The following DIAPH2 variants were observed in gnomAD, a reference collection of about 807,000 sequenced individuals.
DIAPH2 encodes protein diaphanous homolog 2.
In DIAPH2, 35 loss-of-function variants were observed where a neutral mutation model predicts 92.7. The ratio of observed to expected loss-of-function variants is 0.38; its 90% CI spans 0.29 to 0.50. DIAPH2 has a LOEUF of 0.50. Ranked by LOEUF, DIAPH2 falls within the 20% of genes least tolerant of loss-of-function variation. The probability of loss-of-function intolerance (pLI) is 0.94; values close to 1 mark genes in which losing one functional copy is unlikely to be tolerated. For synonymous variants in DIAPH2, 301 were observed against 280.4 expected (o/e 1.07, Z -0.73); for missense variants, 701 against 819.5 (o/e 0.86, Z 1.77).
intron 3 of DIAPH2, among the ~76,000 whole-genome samples, chrX:96,745,950 G>A (rs1302019350): frequency 8.9e-6 from 1 of 112,087 alleles, no homozygotes; most frequent in Non-Finnish European, 1.9e-5. Context: ...ACCTTGCTCT[G>A]TTGTCCAGGT....
intron 4 of DIAPH2, among the ~76,000 whole-genome samples, chrX:96,795,843 G>A (rs1447963658): frequency 8.9e-6 from 1 of 111,803 alleles, no homozygotes; most frequent in Non-Finnish European, 1.9e-5. Context: ...AGTGAGTCAG[G>A]TAGACAGCAT....
intron 22 of DIAPH2, among the ~76,000 whole-genome samples, chrX:97,209,413 A>T (rs1312509775): frequency 9.0e-6 from 1 of 111,656 alleles, no homozygotes; most frequent in Non-Finnish European, 1.9e-5. Flanking sequence ...AGTAAAAATG[A>T]GACATTTTAA....
At chrX:96,999,206 C>T (rs917179490) in intron 17 of DIAPH2, among the ~76,000 whole-genome samples, 7 of 111,018 alleles carry the variant, frequency 6.3e-5, no homozygotes. Context: ...GGTTATAAAG[C>T]TGGTAATTAA....
rs10636024 is a variant in DIAPH2 at position 97,060,996 on chromosome X, GCA to G, written c.2051-11931_2051-11930del. Among the ~76,000 whole-genome samples, 11 of 109,323 alleles carry G rather than the reference GCA, an allele frequency of 1.0e-4. No homozygotes were observed. In the East Asian group the frequency reaches 1.1e-3, roughly 11 times the overall value. The allele number at this position is 109,323 out of a possible 115,157, so 94.9% of individuals were successfully genotyped here. On this transcript the variant is annotated intron_variant, in intron 17 of 26. Coordinates refer to ENST00000324765, the MANE Select transcript of DIAPH2 (RefSeq NM_006729.5). ...GATACACAAACGCACACGTGCGCATGCACACACACACACACGCAACAGTTGTG... is the reference window on the plus strand; with the variant it reads ...GATACACAAACGCACACGTGCGCATGCACACACACACACGCAACAGTTGTG...
rs142140959 is a variant in DIAPH2 at position 97,055,328 on chromosome X, C to G, written c.2051-17613C>G. Among the ~76,000 whole-genome samples the G allele has an allele frequency of 4.8e-3, 535 of 111,269 alleles. 2 individuals are homozygous for G. Among genetic ancestry groups the G allele is most frequent in the Non-Finnish European group, 8.3e-3 (440 of 53,063 alleles). ...AGCAATAATTATTGAGGGCTCTAAACAGGGCAGTAGAAATTTAGGCAGAAT... is the reference window on the plus strand; with the variant it reads ...AGCAATAATTATTGAGGGCTCTAAAGAGGGCAGTAGAAATTTAGGCAGAAT... On this transcript the variant is annotated intron_variant, in intron 17 of 26. Coordinates refer to ENST00000324765, the MANE Select transcript of DIAPH2 (RefSeq NM_006729.5).
At chrX:97,116,917 A>G (rs759864520) in intron 21 of DIAPH2, among the ~76,000 whole-genome samples, 2 of 111,786 alleles carry the variant, frequency 1.8e-5, no homozygotes, top group Admixed American at 9.5e-5. Flanking sequence ...TCTGTCATCT[A>G]CCTGTCAAAT....
intron 4 of DIAPH2, among the ~76,000 whole-genome samples, chrX:96,799,472 C>G (rs1309151820): frequency 1.8e-5 from 2 of 111,806 alleles, no homozygotes; most frequent in Non-Finnish European, 3.8e-5. Flanking sequence ...TTAATAGGCC[C>G]TTGAATTTGT....
intron 26 of DIAPH2, among the ~76,000 whole-genome samples, chrX:97,515,435 G>C (rs762777561): frequency 9.0e-6 from 1 of 111,460 alleles, no homozygotes; most frequent in Non-Finnish European, 1.9e-5. Context: ...AGATGAACCC[G>C]GTACCTCAGA....
chrX:96,777,872 G>T (rs907306302), intron 4 of DIAPH2, among the ~76,000 whole-genome samples: 14 of 110,777 alleles, frequency 1.3e-4, no homozygotes, highest in Non-Finnish European at 2.3e-4. Context: ...TACCCATTTT[G>T]TCCTTTTTTA....
intron 17 of DIAPH2, among the ~76,000 whole-genome samples, chrX:97,046,362 A>G (rs1018743950): frequency 9.0e-6 from 1 of 110,991 alleles, no homozygotes; most frequent in African/African-American, 3.3e-5. Flanking sequence ...GTAATGGGAA[A>G]GATGAAGATG....
At chrX:97,160,611 G>T (rs988943951) in intron 22 of DIAPH2, among the ~76,000 whole-genome samples, 11 of 111,637 alleles carry the variant, frequency 9.9e-5, no homozygotes, top group African/African-American at 3.2e-4. Context: ...TACTGTCGTG[G>T]ATTTCGAAAT....
At chrX:96,965,967 A>T (rs1389164969) in intron 17 of DIAPH2, among the ~76,000 whole-genome samples, 2 of 111,798 alleles carry the variant, frequency 1.8e-5, no homozygotes, top group Non-Finnish European at 3.8e-5. Context: ...CTTGCAGTTG[A>T]AAAATGGAAA....
At chrX:96,951,367 A>T (rs748536614) in intron 15 of DIAPH2, among the ~76,000 whole-genome samples, 1 of 111,630 alleles carries the variant, frequency 9.0e-6, no homozygotes, top group East Asian at 2.8e-4. Flanking sequence ...ACTTTTCTAG[A>T]CCACTCATGG....
chrX:96,801,925 C>T lies in DIAPH2; in HGVS notation c.447+43667C>T, dbSNP rs192070750. ...ATACATACACAGAAAAGTACACAAA[C>T]CATAATATTACAGCTCAGTGAGTTA... On this transcript the variant is annotated intron_variant, in intron 4 of 26. Transcript: ENST00000324765. Among the ~76,000 whole-genome samples, 94 of 111,308 alleles carry T rather than the reference C, an allele frequency of 8.4e-4. No individual in the cohort carries two copies. The East Asian group carries it at 0.018, about 21-fold the overall frequency.
intron 17 of DIAPH2, among the ~76,000 whole-genome samples, chrX:97,069,002 G>C (rs995046689): frequency 9.0e-6 from 1 of 110,966 alleles, no homozygotes; most frequent in Admixed American, 9.6e-5. Context: ...CTCTCTTGTT[G>C]TCCAGGCTGG....
chrX:96,775,521 T>C (rs1297048792), intron 4 of DIAPH2, among the ~76,000 whole-genome samples: 3 of 110,810 alleles, frequency 2.7e-5, no homozygotes, highest in Non-Finnish European at 5.7e-5. Context: ...ACTCCAAAGA[T>C]AGCTCTTCAT....
chrX:97,076,518 G>A (rs866940522), intron 19 of DIAPH2, among the ~76,000 whole-genome samples: 15 of 111,089 alleles, frequency 1.4e-4, no homozygotes, highest in African/African-American at 4.3e-4. Flanking sequence ...GAGACAGAGC[G>A]AGACTCTGTC....
chrX:97,029,593 C>T (rs756875321), intron 17 of DIAPH2, among the ~76,000 whole-genome samples: 9 of 110,583 alleles, frequency 8.1e-5, no homozygotes, highest in Admixed American at 2.9e-4. Context: ...AAAACTGTTG[C>T]CTAATCTAAG....
At chrX:96,928,589 A>G (rs762753348) in intron 9 of DIAPH2, among the ~76,000 whole-genome samples, 4 of 111,527 alleles carry the variant, frequency 3.6e-5, no homozygotes, top group Non-Finnish European at 5.7e-5. Flanking sequence ...TACAATATAC[A>G]TATTTCTGTA....
Sources: allele counts gnomAD v4.1 joint callset (sites outside exome capture counted in the v4.1 genomes callset), GRCh38; gene constraint gnomAD v4.1.1; transcripts MANE v1.5; gene names NCBI Gene and HGNC (gene_info 2026-07-23, HGNC 2026-07-21).